The following ELMO1 variants were observed in gnomAD, a reference collection of about 807,000 sequenced individuals.
The protein encoded by ELMO1 is engulfment and cell motility protein 1.
A neutral mutation model predicts 98.9 loss-of-function variants in ELMO1; 26 were observed. The observed-to-expected ratio is 0.26, with a 90% CI of 0.19 to 0.36. The LOEUF (loss-of-function observed/expected upper bound fraction) is 0.36, where lower values mean the gene tolerates loss of function less well. Ranked by LOEUF, ELMO1 falls within the 10% of genes least tolerant of loss-of-function variation. The pLI, the probability that ELMO1 is intolerant of heterozygous loss-of-function variation, is 1.00. For missense variants in ELMO1, 627 were observed against 935.2 expected, an observed-to-expected ratio of 0.67 and a Z score of 4.30; for synonymous variants, 346 against 346.0, an observed-to-expected ratio of 1.00 and a Z score of 0.00.
chr7:37,189,748 C>T (rs1035175), intron 13 of ELMO1, among the ~76,000 whole-genome samples: 125,453 of 152,190 alleles, frequency 0.82, 52,006 homozygotes, highest in African/African-American at 0.91. Context: ...AACAAAAAAA[C>T]AAAATAAATG....
At chr7:37,203,456 G>A (rs989823688) in intron 13 of ELMO1, among the ~76,000 whole-genome samples, 3 of 152,194 alleles carry the variant, frequency 2.0e-5, no homozygotes, top group African/African-American at 7.2e-5. Context: ...CCTAGCTTCA[G>A]GAATAGCTTT....
In ELMO1 at chr7:37,120,560, C is replaced by T. The variant is rs185319857; in HGVS notation, c.1191+12570G>A. Among the ~76,000 whole-genome samples, 74 of 152,306 alleles carry T rather than the reference C, an allele frequency of 4.9e-4. 1 individual carries two copies. The highest frequency in any genetic ancestry group is 3.4e-3 in the Admixed American group (52 of 15,300). ...AGCAGTCTGAGATCAAACTTCAACG[C>T]GGCAGCGAGTCTAGGGGAGGGGCAC... On this transcript the variant is annotated intron_variant, in intron 14 of 21. Coordinates refer to ENST00000310758, the MANE Select transcript of ELMO1 (RefSeq NM_014800.11).
chr7:37,033,956 CA>C (rs941078843), intron 15 of ELMO1, among the ~76,000 whole-genome samples: 2 of 150,172 alleles, frequency 1.3e-5, no homozygotes, highest in Admixed American at 6.6e-5. Context: ...AGTGCTGTGC[CA>C]AAAAAAAATT....
intron 2 of ELMO1, among the ~76,000 whole-genome samples, chr7:37,328,387 A>AAAAAAAG (rs1799931641): frequency 9.3e-6 from 1 of 107,114 alleles, no homozygotes; most frequent in Non-Finnish European, 2.0e-5. Context: ...CTGCCACAAA[A>AAAAAAAG]AAAAAAAAAA....
rs569228622 is a variant in ELMO1 at position 37,185,756 on chromosome 7, T to C, written c.1086+25630A>G. ...ATAGGAATAAATTTAAAAGATAAAG[T>C]ACAAAATTTATATTCTGAAAACTGC... On this transcript the variant is annotated intron_variant, in intron 13 of 21. Coordinates refer to ENST00000310758, the MANE Select transcript of ELMO1 (RefSeq NM_014800.11). 8.5e-5 allele frequency among the ~76,000 whole-genome samples: 13 copies of C among 152,260 alleles called. No individual in the cohort carries two copies. The South Asian group carries it at 2.3e-3, about 27-fold the overall frequency.
chr7:37,425,769 G>A (rs1731993), intron 1 of ELMO1, among the ~76,000 whole-genome samples: 99,852 of 151,998 alleles, frequency 0.66, 32,913 homozygotes, highest in Non-Finnish European at 0.68. Context: ...CTGTGGCCGA[G>A]TTTGAAAACC....
intron 16 of ELMO1, among the ~76,000 whole-genome samples, chr7:36,992,750 T>C (rs1791961446): frequency 6.6e-6 from 1 of 152,200 alleles, no homozygotes; most frequent in Admixed American, 6.5e-5. Flanking sequence ...TAATTCTACC[T>C]TTTGAGAAAA....
chr7:37,425,537 A>C (rs1804661313), intron 1 of ELMO1, among the ~76,000 whole-genome samples: 1 of 152,210 alleles, frequency 6.6e-6, no homozygotes, highest in East Asian at 1.9e-4. Flanking sequence ...AATTCCCAGC[A>C]TGCTTGGCAC....
intron 4 of ELMO1, among the ~76,000 whole-genome samples, chr7:37,283,885 AC>A (rs1397683232): frequency 6.6e-6 from 1 of 152,124 alleles, no homozygotes; most frequent in African/African-American, 2.4e-5. Context: ...TCTTTGAAGA[AC>A]CCTGGGGGAC....
At chr7:37,229,696 A>G (rs1477919575) in intron 8 of ELMO1, among the ~76,000 whole-genome samples, 1 of 152,232 alleles carries the variant, frequency 6.6e-6, no homozygotes, top group East Asian at 1.9e-4. Flanking sequence ...GCTAATGAAT[A>G]AAAAAGTTAA....
intron 16 of ELMO1, among the ~76,000 whole-genome samples, chr7:37,012,215 A>T (rs1027660006): frequency 6.6e-6 from 1 of 152,232 alleles, no homozygotes; most frequent in Admixed American, 6.5e-5. Flanking sequence ...CCTTTTCCTG[A>T]TTTTCTTTCT....
intron 1 of ELMO1, among the ~76,000 whole-genome samples, chr7:37,443,167 TC>T (rs1486364565): frequency 6.6e-6 from 1 of 152,148 alleles, no homozygotes; most frequent in Non-Finnish European, 1.5e-5. Flanking sequence ...TGATTTTCAT[TC>T]CCTCAAACCA....
chr7:37,030,162 A>G (rs1794799187), intron 15 of ELMO1, among the ~76,000 whole-genome samples: 1 of 152,186 alleles, frequency 6.6e-6, no homozygotes, highest in African/African-American at 2.4e-5. Context: ...TAAGAAAACA[A>G]CTTAATGAAA....
intron 13 of ELMO1, among the ~76,000 whole-genome samples, chr7:37,176,235 T>G (rs1790490593): frequency 6.6e-6 from 1 of 152,240 alleles, no homozygotes; most frequent in African/African-American, 2.4e-5. Flanking sequence ...TTCACTGTCA[T>G]TTCCTAGAAA....
intron 4 of ELMO1, among the ~76,000 whole-genome samples, chr7:37,278,905 T>C (rs1584909763): frequency 6.6e-6 from 1 of 152,116 alleles, no homozygotes; most frequent in Non-Finnish European, 1.5e-5. Context: ...AAATGACGTA[T>C]GAGAGTGTGT....
At chr7:36,952,630 CTA>C (rs1788064439) in intron 16 of ELMO1, among the ~76,000 whole-genome samples, 2 of 152,142 alleles carry the variant, frequency 1.3e-5, no homozygotes. Context: ...AGAAATCACT[CTA>C]GACTCAGTTA....
At chr7:37,110,696 T>C (rs1785205137) in intron 14 of ELMO1, among the ~76,000 whole-genome samples, 1 of 152,164 alleles carries the variant, frequency 6.6e-6, no homozygotes, top group African/African-American at 2.4e-5. Flanking sequence ...CCTAGATTTA[T>C]CATGGGAAAG....
chr7:37,436,154 C>T (rs1383812193), intron 1 of ELMO1, among the ~76,000 whole-genome samples: 2 of 152,216 alleles, frequency 1.3e-5, no homozygotes, highest in East Asian at 1.9e-4. Flanking sequence ...AAGAACATAA[C>T]TCTCCAGTGA....
intron 16 of ELMO1, among the ~76,000 whole-genome samples, chr7:36,933,152 T>C (rs890127961): frequency 2.0e-5 from 3 of 152,200 alleles, no homozygotes; most frequent in Non-Finnish European, 4.4e-5. Flanking sequence ...AGTATCTTTA[T>C]GTCACTCACC....
Sources: allele counts gnomAD v4.1 joint callset (sites outside exome capture counted in the v4.1 genomes callset), GRCh38; gene constraint gnomAD v4.1.1; transcripts MANE v1.5; gene names NCBI Gene and HGNC (gene_info 2026-07-23, HGNC 2026-07-21).